The following GATD1 variants were observed in gnomAD, a reference collection of about 807,000 sequenced individuals.
GATD1 encodes glutamine amidotransferase class 1 domain containing 1.
In GATD1, 23 loss-of-function variants were observed where a neutral mutation model predicts 25.9. The ratio of observed to expected loss-of-function variants is 0.89; its 90% CI spans 0.64 to 1.26. The LOEUF is 1.26. GATD1 is among the 50% of genes most tolerant of loss of function. The pLI is 0.00. For missense variants in GATD1, 347 were observed against 312.5 expected, an observed-to-expected ratio of 1.11 and a Z score of -0.83; for synonymous variants, 177 against 134.6, an observed-to-expected ratio of 1.31 and a Z score of -2.18.
At position 771,400 on chromosome 11, in the gene GATD1, G is replaced by A. The variant is rs1321988767; in HGVS notation, c.477C>T (p.Ala159=). The change falls in exon 6 of 8, where the codon GCC becomes GCT. Residue 159 remains alanine, a synonymous_variant. Transcript: ENST00000319863. ...TGPSVCELVR[A]PGFARLPLVV... Reference sequence around the variant, plus strand: ...CGAGCGGCAGGCGGGCGAAGCCGGGGGCCCTGACGAGCTCACACACAGAGG... The same window carrying A: ...CGAGCGGCAGGCGGGCGAAGCCGGGAGCCCTGACGAGCTCACACACAGAGG... The A allele has an allele frequency of 6.4e-7, 1 of 1,559,862 alleles. No individual in the cohort carries two copies. Among genetic ancestry groups the A allele is most frequent in the African/African-American group, 1.4e-5 (1 of 73,268 alleles).
intron 2 of GATD1, 25 bp downstream of exon 2, chr11:775,041 G>C: frequency 1.3e-6 from 2 of 1,581,182 alleles, no homozygotes; most frequent in Non-Finnish European, 1.7e-6. Flanking sequence ...CAAGTGTCCA[G>C]TGGGGAAGGA....
chr11:773,779 C>A lies in GATD1; in HGVS notation c.248-150G>T, dbSNP rs141348957. 777 of 698,882 alleles carry A rather than the reference C, an allele frequency of 1.1e-3. 4 individuals are homozygous for A. The African/African-American group carries it at 0.012, about 11-fold the overall frequency. The allele number at this position is 698,882 out of a possible 1,614,324, so 43.3% of individuals were successfully genotyped here. Reference sequence around the variant, plus strand: ...GTCCCTTTTCCTCCATGGGCTACAGCTCCCAAGGGCCCCCCTGACTTTCCT... The same window carrying A: ...GTCCCTTTTCCTCCATGGGCTACAGATCCCAAGGGCCCCCCTGACTTTCCT... On this transcript the variant is annotated intron_variant, in intron 3 of 7. Transcript: ENST00000319863.
At position 769,017 on chromosome 11, in the gene GATD1, C is replaced by T; in HGVS notation, c.*1880G>A. 2.0e-6 allele frequency: 1 copy of T among 508,716 alleles called. No individual in the cohort carries two copies. The highest frequency in any genetic ancestry group is 2.5e-6 in the Non-Finnish European group (1 of 394,556). The allele number at this position is 508,716 out of a possible 1,614,324, so 31.5% of individuals were successfully genotyped here. A position where few individuals can be genotyped will look rare whatever the true frequency, so the allele number is the denominator to read the frequency against. ...TCCGGAGGCTGAGGCAGGAGAATCG[C>T]TTGAACCCGGGAGACAGAGGTTGCA... On this transcript the variant is annotated 3_prime_UTR_variant, in exon 8 of 8. Transcript: ENST00000319863.
At chr11:772,726 G>C in intron 4 of GATD1, 1 of 595,780 alleles carries the variant, frequency 1.7e-6, no homozygotes, top group Non-Finnish European at 3.0e-6. Flanking sequence ...GGGGGAGCTG[G>C]TGCTTCAGGA....
rs1329355139 is a variant in GATD1, at chr11:770,356, T to C, written c.*541A>G. The C allele has an allele frequency of 5.9e-6, 9 of 1,534,158 alleles. No homozygotes were observed. The highest frequency in any genetic ancestry group is 7.0e-6 in the Non-Finnish European group (8 of 1,145,962). On this transcript the variant is annotated 3_prime_UTR_variant, in exon 8 of 8. Coordinates refer to ENST00000319863, the MANE Select transcript of GATD1 (RefSeq NM_182612.4). ...CAGGAAGATTTCTTCAACAGGAAAG[T>C]GCTGCCAGTGCCGGTCGGCCTTGGG...
In GATD1 at chr11:769,757, C is replaced by G; in HGVS notation, c.*1140G>C. 1 of 242,078 alleles carries G rather than the reference C, an allele frequency of 4.1e-6. No homozygotes were observed. The highest frequency in any genetic ancestry group is 6.7e-6 in the Non-Finnish European group (1 of 150,372). 15.0% of individuals were successfully genotyped at this position (242,078 alleles called of 1,614,324 possible). ...CCCAAGTAGCTGGGACTACACACAC[C>G]CACCACCATGCCAGGCTAACTTTTT... On this transcript the variant is annotated 3_prime_UTR_variant, in exon 8 of 8. Coordinates refer to ENST00000319863, the MANE Select transcript of GATD1 (RefSeq NM_182612.4).
intron 1 of GATD1, 35 bp from the exon 2 acceptor site, chr11:775,177 G>A (rs752572560): frequency 4.3e-5 from 67 of 1,555,784 alleles, no homozygotes; most frequent in Non-Finnish European, 5.8e-5. Context: ...GGCTCGACAG[G>A]ACTAGCGTGC....
chr11:770,891 G>C lies in GATD1; in HGVS notation c.*6C>G. ...CTGTCTCAGGGGGTGCATCTACCCAGCAGGTTCATTTCCTGCAGGACAGAC... is the reference window on the plus strand; with the variant it reads ...CTGTCTCAGGGGGTGCATCTACCCACCAGGTTCATTTCCTGCAGGACAGAC... On this transcript the variant is annotated 3_prime_UTR_variant, in exon 8 of 8. Transcript: ENST00000319863. The C allele has an allele frequency of 2.5e-6, 4 of 1,605,962 alleles. No homozygotes were observed.
Position 767,682 on chromosome 11 carries a change from G to A in GATD1, c.*3215C>T. On this transcript the variant is annotated 3_prime_UTR_variant, in exon 8 of 8. Transcript: ENST00000319863. Reference sequence around the variant, plus strand: ...CCTCACCTGCAAGGGGATGGTATTAGGTGGGGCATTTGGGAGGTCATCCGG... The same window carrying A: ...CCTCACCTGCAAGGGGATGGTATTAAGTGGGGCATTTGGGAGGTCATCCGG... 1.7e-6 allele frequency: 2 copies of A among 1,148,716 alleles called. No individual in the cohort carries two copies. Among genetic ancestry groups the A allele is most frequent in the Non-Finnish European group, 1.1e-6 (1 of 925,030 alleles). 71.2% of individuals were successfully genotyped at this position (1,148,716 alleles called of 1,614,324 possible).
rs375011370 is a variant in GATD1, at chr11:771,117, G to A, written c.545-13C>T. On this transcript the variant is annotated splice_polypyrimidine_tract_variant and intron_variant, in intron 6 of 7. Transcript: ENST00000319863. ...TCAGGCTCGCTTGCTGGGGAGGACC[G>A]AGGGCACCAACCTCAGGCAATGTCC... 7.0e-6 allele frequency: 11 copies of A among 1,577,446 alleles called. No homozygotes were observed. In the African/African-American group the frequency reaches 9.4e-5, roughly 14 times the overall value.
rs959099567 is a variant in GATD1, at chr11:770,112, C to CAG, written c.*783_*784dup. 22 of 1,222,936 alleles carry CAG rather than the reference C, an allele frequency of 1.8e-5. No homozygotes were observed. Among genetic ancestry groups the CAG allele is most frequent in the Non-Finnish European group, 1.9e-5 (19 of 981,780 alleles). 75.8% of individuals were successfully genotyped at this position (1,222,936 alleles called of 1,614,324 possible). A position where few individuals can be genotyped will look rare whatever the true frequency, so the allele number is the denominator to read the frequency against. On this transcript the variant is annotated 3_prime_UTR_variant, in exon 8 of 8. Transcript: ENST00000319863. Reference sequence around the variant, plus strand: ...GACGCCCTAACCTGGGGCCAGGGGGCAGCCCGCTGGAGGGCCACAGCCCAG... The same window carrying CAG: ...GACGCCCTAACCTGGGGCCAGGGGGCAGAGCCCGCTGGAGGGCCACAGCCCAG...
chr11:776,675 C>T (rs1864014019), intron 1 of GATD1: 1 of 152,404 alleles, frequency 6.6e-6, no homozygotes, highest in African/African-American at 2.4e-5. Context: ...AACCCCGGCC[C>T]CCACCTCTCC....
At chr11:775,179 C>T (rs1449197533) in intron 1 of GATD1, 37 bp from the exon 2 acceptor site, 5 of 1,551,742 alleles carry the variant, frequency 3.2e-6, no homozygotes, top group Non-Finnish European at 4.4e-6. Context: ...CTCGACAGGA[C>T]TAGCGTGCCC....
chr11:774,300 G>A (rs1303491202), intron 2 of GATD1, among the ~76,000 whole-genome samples, 187 bp from the exon 3 acceptor site: 2 of 152,226 alleles, frequency 1.3e-5, no homozygotes, highest in Non-Finnish European at 2.9e-5. Context: ...AGCCTCAGTG[G>A]TTTATTTCCT....
At chr11:773,893 C>A in intron 3 of GATD1, 115 bp downstream of exon 3, 1 of 925,116 alleles carries the variant, frequency 1.1e-6, no homozygotes, top group Non-Finnish European at 1.6e-6. Flanking sequence ...CCCAAATGGT[C>A]ACAGGGCTTC....
intron 1 of GATD1, among the ~76,000 whole-genome samples, chr11:775,984 T>TTTTTTTTTTTTTTTTTTTTA (rs1863932001): frequency 8.0e-6 from 1 of 124,836 alleles, no homozygotes; most frequent in Non-Finnish European, 1.7e-5. Context: ...TTCTTTTTTT[T>TTTTTTTTTTTTTTTTTTTTA]TTTTTTTTTT....
intron 5 of GATD1, among the ~76,000 whole-genome samples, chr11:772,034 G>T (rs1863496014): frequency 6.6e-6 from 1 of 152,188 alleles, no homozygotes; most frequent in Non-Finnish European, 1.5e-5. Flanking sequence ...TTGGGCCTCA[G>T]ATTGACAAAG....
rs117348901 is a variant in GATD1, at chr11:770,546, C to T, written c.*351G>A. The T allele has an allele frequency of 3.2e-3, 4,455 of 1,412,554 alleles. 15 individuals are homozygous for T. Among genetic ancestry groups the T allele is most frequent in the Non-Finnish European group, 3.7e-3 (4,057 of 1,085,404 alleles). The allele number at this position is 1,412,554 out of a possible 1,614,324, so 87.5% of individuals were successfully genotyped here. On this transcript the variant is annotated 3_prime_UTR_variant, in exon 8 of 8. Coordinates refer to ENST00000319863, the MANE Select transcript of GATD1 (RefSeq NM_182612.4). ...AAACCCACACAGAGGACCCCCGAGC[C>T]GACTCTGTCTAGTCAACAGTGACCA... is the stretch of plus-strand genomic sequence containing the variant.
chr11:767,621 C>T lies in GATD1; in HGVS notation c.*3276G>A. The stretch of plus-strand genomic sequence containing the variant: ...TGGCTCTTCATGCACCCTGCTGTGG[C>T]CTGAGCACGTCCCCCCAAAACCCAC... On this transcript the variant is annotated 3_prime_UTR_variant, in exon 8 of 8. Transcript: ENST00000319863. 7.4e-7 allele frequency: 1 copy of T among 1,353,162 alleles called. No individual in the cohort carries two copies. Among genetic ancestry groups the T allele is most frequent in the Non-Finnish European group, 9.5e-7 (1 of 1,054,002 alleles). The allele number at this position is 1,353,162 out of a possible 1,614,324, so 83.8% of individuals were successfully genotyped here. A position where few individuals can be genotyped will look rare whatever the true frequency, so the allele number is the denominator to read the frequency against.
Sources: allele counts gnomAD v4.1 joint callset (sites outside exome capture counted in the v4.1 genomes callset), GRCh38; gene constraint gnomAD v4.1.1; transcripts MANE v1.5; gene names NCBI Gene and HGNC (gene_info 2026-07-23, HGNC 2026-07-21).